Variants in ATXN7L1 observed in about 807,000 individuals in gnomAD.
ATXN7L1 encodes the protein ataxin-7-like protein 1.
In ATXN7L1, 15 loss-of-function variants were observed where a neutral mutation model predicts 70.8. The ratio of observed to expected loss-of-function variants is 0.21; its 90% CI spans 0.14 to 0.33. The LOEUF is 0.33. ATXN7L1 is among the 10% of genes least tolerant of loss of function. The pLI, the probability that ATXN7L1 is intolerant of heterozygous loss-of-function variation, is 1.00. For missense variants in ATXN7L1, 975 were observed against 1,097.1 expected (o/e 0.89, Z 1.57); for synonymous variants, 440 against 445.1 (o/e 0.99, Z 0.14).
intron 4 of ATXN7L1, among the ~76,000 whole-genome samples, chr7:105,650,149 T>G (rs545082751): frequency 3.9e-5 from 6 of 152,292 alleles, no homozygotes; most frequent in Non-Finnish European, 7.4e-5. Context: ...AAGAAGTACT[T>G]GGGAGATTCT....
chr7:105,806,694 G>A (rs938414858), intron 2 of ATXN7L1, among the ~76,000 whole-genome samples: 1 of 152,026 alleles, frequency 6.6e-6, no homozygotes, highest in East Asian at 1.9e-4. Context: ...GAAGATGAGA[G>A]GAGGGAAGGG....
intron 3 of ATXN7L1, among the ~76,000 whole-genome samples, chr7:105,777,420 T>C (rs2116455027): frequency 6.6e-6 from 1 of 152,332 alleles, no homozygotes; most frequent in South Asian, 2.1e-4. Context: ...CTCTTCTCTT[T>C]AGTGTCTTAC....
intron 3 of ATXN7L1, among the ~76,000 whole-genome samples, chr7:105,731,267 G>A (rs918168194): frequency 3.3e-5 from 5 of 152,118 alleles, no homozygotes; most frequent in African/African-American, 1.2e-4. Context: ...ATATTCCAAA[G>A]TCAGAAAGCA....
At chr7:105,757,944 C>G (rs1584934299) in intron 3 of ATXN7L1, among the ~76,000 whole-genome samples, 1 of 152,108 alleles carries the variant, frequency 6.6e-6, no homozygotes, top group Admixed American at 6.5e-5. Flanking sequence ...CCCTGGTACA[C>G]AGTTGCTCTG....
Position 105,697,167 on chromosome 7 carries a change from A to T in ATXN7L1, c.356-31879T>A, listed in dbSNP as rs542718315. Among the ~76,000 whole-genome samples the T allele has an allele frequency of 1.5e-4, 23 of 152,352 alleles. No homozygotes were observed. The East Asian group carries it at 3.9e-3, about 26-fold the overall frequency. On this transcript the variant is annotated intron_variant, in intron 3 of 11. Coordinates refer to ENST00000419735, the MANE Select transcript of ATXN7L1 (RefSeq NM_020725.2). ...GCACTATTGTCATTGATAACATCTT[A>T]TCAGGAGACAGGGTTTTGAGATCAA...
chr7:105,734,221 T>A (rs1797131785), intron 3 of ATXN7L1, among the ~76,000 whole-genome samples: 1 of 152,222 alleles, frequency 6.6e-6, no homozygotes, highest in Non-Finnish European at 1.5e-5. Flanking sequence ...TCCAATGAGA[T>A]GATTCAGAAA....
chr7:105,809,937 A>G (rs1014311820), intron 2 of ATXN7L1, among the ~76,000 whole-genome samples: 2 of 152,008 alleles, frequency 1.3e-5, no homozygotes, highest in African/African-American at 4.8e-5. Context: ...CATCCACCTA[A>G]TTTTTTAAAT....
chr7:105,813,335 ATTTTT>A (rs3036751), intron 2 of ATXN7L1, among the ~76,000 whole-genome samples: 1 of 128,904 alleles, frequency 7.8e-6, no homozygotes, highest in Admixed American at 8.0e-5. Context: ...ACAATCTACA[ATTTTT>A]TTTTTTTTTT....
intron 2 of ATXN7L1, among the ~76,000 whole-genome samples, chr7:105,790,605 ATT>A (rs1805005623): frequency 7.7e-6 from 1 of 129,330 alleles, no homozygotes; most frequent in South Asian, 2.6e-4. Context: ...AAAGAAAAAA[ATT>A]ATCTATCTAT....
In ATXN7L1 at chr7:105,660,261, G is replaced by C. The variant is rs113882318; in HGVS notation, c.578+4805C>G. 8.3e-3 allele frequency among the ~76,000 whole-genome samples: 1,269 copies of C among 152,184 alleles called. 18 individuals carry two copies. Among genetic ancestry groups the C allele is most frequent in the African/African-American group, 0.029 (1,217 of 41,508 alleles). ...GGCTGTCAAGGTGACCAGACTACAT[G>C]AGAAAACTGCTCCTTTAACACCGCT... On this transcript the variant is annotated intron_variant, in intron 4 of 11. Coordinates refer to ENST00000419735, the MANE Select transcript of ATXN7L1 (RefSeq NM_020725.2).
chr7:105,680,279 T>G (rs1345352022), intron 3 of ATXN7L1, among the ~76,000 whole-genome samples: 2 of 152,270 alleles, frequency 1.3e-5, no homozygotes, highest in East Asian at 3.9e-4. Context: ...ACTGCCTATG[T>G]AAGATGGTCT....
intron 3 of ATXN7L1, among the ~76,000 whole-genome samples, chr7:105,733,917 TC>T (rs1391509997): frequency 1.5e-5 from 2 of 133,492 alleles, no homozygotes; most frequent in African/African-American, 2.9e-5. Flanking sequence ...CCATCATCCA[TC>T]CATCCATCAT....
At chr7:105,696,783 G>A (rs1351652817) in intron 3 of ATXN7L1, among the ~76,000 whole-genome samples, 2 of 152,230 alleles carry the variant, frequency 1.3e-5, no homozygotes, top group East Asian at 1.9e-4. Context: ...TCCACCCCAC[G>A]GAGGATGAAG....
At chr7:105,797,204 C>T (rs531915313) in intron 2 of ATXN7L1, among the ~76,000 whole-genome samples, 10 of 152,334 alleles carry the variant, frequency 6.6e-5, no homozygotes, top group East Asian at 5.8e-4. Flanking sequence ...CTTCCTGCCA[C>T]GGCTAGGCTG....
rs181701042 is a variant in ATXN7L1 at position 105,722,508 on chromosome 7, C to G, written c.356-57220G>C. The stretch of plus-strand genomic sequence containing the variant: ...ATTGGGAGGCGGAGGTTGCAGTGAG[C>G]CAAGATTGTGCCACTGTACTCCAGC... On this transcript the variant is annotated intron_variant, in intron 3 of 11. Transcript: ENST00000419735. Among the ~76,000 whole-genome samples, 617 of 130,366 alleles carry G rather than the reference C, an allele frequency of 4.7e-3. 2 individuals carry two copies. The highest frequency in any genetic ancestry group is 0.016 in the African/African-American group (557 of 33,936). 85.5% of individuals were successfully genotyped at this position (130,366 alleles called of 152,430 possible).
chr7:105,688,147 C>T (rs186895092), intron 3 of ATXN7L1, among the ~76,000 whole-genome samples: 4 of 152,264 alleles, frequency 2.6e-5, no homozygotes, highest in Admixed American at 2.6e-4. Flanking sequence ...TCATCACAAC[C>T]AGATACATTG....
At chr7:105,854,023 A>G (rs1815310435) in intron 2 of ATXN7L1, among the ~76,000 whole-genome samples, 2 of 152,270 alleles carry the variant, frequency 1.3e-5, no homozygotes, top group African/African-American at 4.8e-5. Context: ...AAGGTGCCAC[A>G]TCGATTTAAA....
chr7:105,632,012 C>A (rs1796665987), intron 7 of ATXN7L1, among the ~76,000 whole-genome samples: 1 of 152,220 alleles, frequency 6.6e-6, no homozygotes, highest in Admixed American at 6.5e-5. Flanking sequence ...CAGATCTTGC[C>A]TTTGGGAATC....
chr7:105,790,115 C>A (rs1804920100), intron 2 of ATXN7L1, among the ~76,000 whole-genome samples: 1 of 152,130 alleles, frequency 6.6e-6, no homozygotes, highest in Non-Finnish European at 1.5e-5. Context: ...TCTATAAACA[C>A]AAAAAGGAGG....
Sources: gnomAD v4.1 joint callset for allele counts (sites outside exome capture counted in the v4.1 genomes callset) on GRCh38, gnomAD v4.1.1 for gene constraint, MANE v1.5 for transcripts, NCBI Gene and HGNC (gene_info 2026-07-23, HGNC 2026-07-21) for gene names.